Variants in TMPRSS4 observed in about 807,000 individuals in gnomAD.
TMPRSS4 encodes the protein transmembrane protease serine 4.
TMPRSS4 carries 45 observed loss-of-function variants against 56.4 expected under a neutral mutation model. The observed-to-expected ratio is 0.80, with a 90% CI of 0.63 to 1.02. TMPRSS4 has a LOEUF of 1.02. TMPRSS4 is among the 50% of genes least tolerant of loss of function. The probability of loss-of-function intolerance (pLI) is 0.00; values close to 1 mark genes in which losing one functional copy is unlikely to be tolerated. For missense variants in TMPRSS4, 546 were observed against 556.7 expected, an observed-to-expected ratio of 0.98 and a Z score of 0.19; for synonymous variants, 205 against 211.0, an observed-to-expected ratio of 0.97 and a Z score of 0.25.
At chr11:118,091,815 TA>T (rs1475815517) in intron 1 of TMPRSS4, among the ~76,000 whole-genome samples, 1 of 152,202 alleles carries the variant, frequency 6.6e-6, no homozygotes, top group Non-Finnish European at 1.5e-5. Flanking sequence ...CTGTTGACGT[TA>T]TCCTAACTTG....
chr11:118,078,856 C>T (rs1421837443), intron 1 of TMPRSS4, among the ~76,000 whole-genome samples: 1 of 152,198 alleles, frequency 6.6e-6, no homozygotes, highest in Non-Finnish European at 1.5e-5. Flanking sequence ...ATATGACCCA[C>T]AACAGCCCCA....
At chr11:118,107,168 T>A (rs1947036945) in intron 5 of TMPRSS4, 1 of 152,184 alleles carries the variant, frequency 6.6e-6, no homozygotes, top group Non-Finnish European at 1.5e-5. Context: ...ACCCAAGGTT[T>A]GAAAGTAGCA....
At chr11:118,113,482 C>T (rs763664733) in intron 9 of TMPRSS4, 47 bp downstream of exon 9, 15 of 1,597,648 alleles carry the variant, frequency 9.4e-6, no homozygotes, top group Non-Finnish European at 1.2e-5. Flanking sequence ...CATCAGTTTT[C>T]ACGCCCACTC....
intron 7 of TMPRSS4, among the ~76,000 whole-genome samples, chr11:118,110,346 T>C (rs1287923838): frequency 1.5e-4 from 5 of 32,804 alleles, no homozygotes; most frequent in Non-Finnish European, 2.4e-4. Flanking sequence ...GATTCTCTCT[T>C]TTTTTTTTTT....
intron 12 of TMPRSS4, chr11:118,117,677 A>G (rs1357631136): frequency 1.0e-6 from 1 of 985,304 alleles, no homozygotes; most frequent in African/African-American, 1.7e-5. Flanking sequence ...AGAACACACC[A>G]AGCCTTTCTT....
chr11:118,104,581 C>T lies in TMPRSS4; in HGVS notation c.311-110C>T. Reference sequence around the variant, plus strand: ...CATTGAAAGTGTTGGGGCTCTGTGGCACCCCCAGTTCTAGGTTGGGGGAGC... The same window carrying T: ...CATTGAAAGTGTTGGGGCTCTGTGGTACCCCCAGTTCTAGGTTGGGGGAGC... On this transcript the variant is annotated intron_variant, in intron 4 of 12. Coordinates refer to ENST00000437212, the MANE Select transcript of TMPRSS4 (RefSeq NM_019894.4). 2.0e-6 allele frequency: 3 copies of T among 1,528,376 alleles called. No homozygotes were observed. The South Asian group carries it at 3.6e-5, about 18-fold the overall frequency. 94.7% of individuals were successfully genotyped at this position (1,528,376 alleles called of 1,614,324 possible). A position where few individuals can be genotyped will look rare whatever the true frequency, so the allele number is the denominator to read the frequency against.
chr11:118,086,399 G>A (rs1472500970), intron 1 of TMPRSS4, among the ~76,000 whole-genome samples: 1 of 152,256 alleles, frequency 6.6e-6, no homozygotes, highest in Admixed American at 6.5e-5. Context: ...ATGTGGTTTA[G>A]AACAAGGCAA....
At chr11:118,117,711 T>C (rs1947637368) in intron 12 of TMPRSS4, 191 bp from the exon 13 acceptor site, 1 of 985,354 alleles carries the variant, frequency 1.0e-6, no homozygotes, top group Non-Finnish European at 1.2e-6. Context: ...AGAATGAGAC[T>C]ATCAGATCCT....
At chr11:118,087,356 G>C (rs547631252) in intron 1 of TMPRSS4, among the ~76,000 whole-genome samples, 1 of 152,340 alleles carries the variant, frequency 6.6e-6, no homozygotes, top group East Asian at 1.9e-4. Context: ...GGAGCTGGCC[G>C]AGCTTTCTGT....
intron 3 of TMPRSS4, 30 bp downstream of exon 3, chr11:118,099,128 C>G (rs1946579853): frequency 6.3e-7 from 1 of 1,584,920 alleles, no homozygotes; most frequent in Admixed American, 1.7e-5. Flanking sequence ...CGACTTTCAC[C>G]CTCTAAGTAA....
Position 118,103,274 on chromosome 11 carries a change from A to G in TMPRSS4, c.310+21A>G, listed in dbSNP as rs535128256. On this transcript the variant is annotated intron_variant, in intron 4 of 12. Transcript: ENST00000437212. ...GGCAGGTGAGTGCAGGGTCTGAGGC[A>G]CAAGAGAAGTGGGCCCAGCAGGAGG... 5.6e-6 allele frequency: 9 copies of G among 1,605,252 alleles called. No homozygotes were observed. In the East Asian group the frequency reaches 1.1e-4, roughly 20 times the overall value.
chr11:118,081,901 T>C (rs1192751415), intron 1 of TMPRSS4, among the ~76,000 whole-genome samples: 4 of 152,202 alleles, frequency 2.6e-5, no homozygotes, highest in Non-Finnish European at 5.9e-5. Flanking sequence ...CAGGGGAGAC[T>C]GCTTTCCCAC....
chr11:118,080,544 C>A (rs529772311), intron 1 of TMPRSS4, among the ~76,000 whole-genome samples: 63 of 152,196 alleles, frequency 4.1e-4, no homozygotes, highest in African/African-American at 1.4e-3. Context: ...AGGGCTCCTG[C>A]GTGACCCCAG....
In TMPRSS4 at chr11:118,094,803, G is replaced by C; in HGVS notation, c.4-13G>C. 2.5e-6 allele frequency: 4 copies of C among 1,610,134 alleles called. No homozygotes were observed. Among genetic ancestry groups the C allele is most frequent in the Non-Finnish European group, 3.4e-6 (4 of 1,178,348 alleles). On this transcript the variant is annotated splice_polypyrimidine_tract_variant and intron_variant, in intron 1 of 12. Coordinates refer to ENST00000437212, the MANE Select transcript of TMPRSS4 (RefSeq NM_019894.4). ...GGCTCCCTGCCTCAACTCACTGACT[G>C]TTTTTCCTTCAATTACAGGATCCTG... is the stretch of plus-strand genomic sequence containing the variant.
intron 7 of TMPRSS4, 135 bp from the exon 8 acceptor site, chr11:118,111,606 T>C: frequency 3.3e-6 from 2 of 606,484 alleles, no homozygotes; most frequent in Non-Finnish European, 2.7e-6. Flanking sequence ...ATATCTCATA[T>C]TGGGCTGGTC....
rs1156388097 is a variant in TMPRSS4 at position 118,119,149 on chromosome 11, CA to C, written c.*1240del. ...ACAAAGAAAATAGAAACCCAGAAAA[CA>C]AAACAAAATAAAACAAAACCATCAG... is the stretch of plus-strand genomic sequence containing the variant. On this transcript the variant is annotated 3_prime_UTR_variant, in exon 13 of 13. Transcript: ENST00000437212. 1 of 985,220 alleles carries C rather than the reference CA, an allele frequency of 1.0e-6. No individual in the cohort carries two copies. Among genetic ancestry groups the C allele is most frequent in the African/African-American group, 1.7e-5 (1 of 57,190 alleles). 61.0% of individuals were successfully genotyped at this position (985,220 alleles called of 1,614,324 possible). A position where few individuals can be genotyped will look rare whatever the true frequency, so the allele number is the denominator to read the frequency against.
intron 3 of TMPRSS4, 21 bp from the exon 4 acceptor site, chr11:118,103,080 C>T: frequency 6.2e-7 from 1 of 1,613,452 alleles, no homozygotes; most frequent in Non-Finnish European, 8.5e-7. Context: ...CTCTCTGCCT[C>T]TCCCTGCACT....
downstream of TMPRSS4, among the ~76,000 whole-genome samples, chr11:118,124,110 G>A (rs1020324346): frequency 2.0e-5 from 3 of 152,100 alleles, no homozygotes; most frequent in African/African-American, 7.2e-5. Context: ...GGAGGGGCCA[G>A]GCATGGTGGC....
At position 118,115,114 on chromosome 11, in the gene TMPRSS4, ATGTG is replaced by A; in HGVS notation, c.1010-23_1010-20del. ...TGGGGGATAGAAGGCAAGGATGGGA[ATGTG>A]AGTGTTTTTACCCTCCCAGGGAAGA... is the stretch of plus-strand genomic sequence containing the variant. On this transcript the variant is annotated intron_variant, in intron 10 of 12. Transcript: ENST00000437212. 5 of 1,604,618 alleles carry A rather than the reference ATGTG, an allele frequency of 3.1e-6. No individual in the cohort carries two copies. Among genetic ancestry groups the A allele is most frequent in the Middle Eastern group, 1.7e-4 (1 of 6,050 alleles).
Sources: allele counts gnomAD v4.1 joint callset (sites outside exome capture counted in the v4.1 genomes callset), GRCh38; gene constraint gnomAD v4.1.1; transcripts MANE v1.5; gene names NCBI Gene and HGNC (gene_info 2026-07-23, HGNC 2026-07-21).